Variants in THRA observed in about 807,000 individuals in gnomAD.
THRA encodes the protein EAR-7.
A neutral mutation model predicts 45.0 loss-of-function variants in THRA; 13 were observed. That is an observed-to-expected ratio of 0.29 (90% CI 0.19 to 0.46). The LOEUF (loss-of-function observed/expected upper bound fraction) is 0.46, where lower values mean the gene tolerates loss of function less well. Among genes scored for constraint, THRA ranks in the 20% least tolerant of loss-of-function variants. THRA has a pLI of 1.00. For synonymous variants in THRA, 195 were observed against 214.0 expected, an observed-to-expected ratio of 0.91 and a Z score of 0.78; for missense variants, 278 against 556.1, an observed-to-expected ratio of 0.50 and a Z score of 5.03.
chr17:40,076,977 A>T, intron 3 of THRA, 39 bp downstream of exon 3: 1 of 1,598,222 alleles, frequency 6.3e-7, no homozygotes, highest in South Asian at 1.1e-5. Context: ...CACGTCCCCA[A>T]CCCCACCAAA....
chr17:40,082,269 C>CA (rs1270327800), intron 4 of THRA, among the ~76,000 whole-genome samples: 1 of 139,088 alleles, frequency 7.2e-6, no homozygotes, highest in Non-Finnish European at 1.5e-5. Context: ...GACTAGAGTG[C>CA]AATGGCACAA....
In THRA at chr17:40,089,509, A is replaced by T. The variant is rs1987457537; in HGVS notation, c.*53A>T. 19 of 1,594,738 alleles carry T rather than the reference A, an allele frequency of 1.2e-5. No individual in the cohort carries two copies. The highest frequency in any genetic ancestry group is 1.5e-5 in the Non-Finnish European group (17 of 1,170,056). ...AGCTGGTGGGGAGGAGCCTGGAGAG[A>T]AGGGGCAGAGCTGGGGGCTGAGGGA... On this transcript the variant is annotated 3_prime_UTR_variant, in exon 9 of 9. Transcript: ENST00000450525. This position sits in a 1 kb window ranked among gnomAD's most constrained non-coding sequence, Gnocchi z 6.1.
Position 40,076,862 on chromosome 17 carries a change from T to A in THRA, c.54-9T>A. On this transcript the variant is annotated splice_polypyrimidine_tract_variant and intron_variant, in intron 2 of 8. Coordinates refer to ENST00000450525, the MANE Select transcript of THRA (RefSeq NM_199334.5). ...GCTCTGTGATTCTGCCCACTTTGCC[T>A]CCATCCAGTGCCAGGTCACCAGATG... The A allele has an allele frequency of 6.2e-7, 1 of 1,614,054 alleles. No homozygotes were observed. Among genetic ancestry groups the A allele is most frequent in the Non-Finnish European group, 8.5e-7 (1 of 1,179,956 alleles).
At chr17:40,075,090 A>G (rs1030830429) in intron 2 of THRA, among the ~76,000 whole-genome samples, 5 of 152,270 alleles carry the variant, frequency 3.3e-5, no homozygotes, top group African/African-American at 1.2e-4. Flanking sequence ...CCTCCCAGAA[A>G]GTGCACGCCA....
intron 1 of THRA, among the ~76,000 whole-genome samples, chr17:40,064,400 C>T (rs1025304070): frequency 8.5e-5 from 13 of 152,250 alleles, no homozygotes; most frequent in Admixed American, 3.3e-4. Context: ...CAGGCACACA[C>T]GTGCTCGCAT....
chr17:40,066,663 C>CAAAAAAAAAAAA (rs553082902), intron 1 of THRA, among the ~76,000 whole-genome samples: 6 of 49,496 alleles, frequency 1.2e-4, no homozygotes, highest in Admixed American at 2.3e-4. Context: ...GACTCCGTCT[C>CAAAAAAAAAAAA]AAAAAAAAAA....
intron 8 of THRA, among the ~76,000 whole-genome samples, chr17:40,088,854 C>A (rs137934618): frequency 6.6e-6 from 1 of 151,520 alleles, no homozygotes; most frequent in Non-Finnish European, 1.5e-5. Flanking sequence ...CATCTCTTAC[C>A]CCTCAGTCCC....
At chr17:40,071,999 G>C (rs912644698) in intron 1 of THRA, 2 of 152,248 alleles carry the variant, frequency 1.3e-5, no homozygotes, top group Non-Finnish European at 2.9e-5. Flanking sequence ...CCCAGCACCA[G>C]GGCACCATTC....
At chr17:40,066,776 A>G (rs1157711639) in intron 1 of THRA, among the ~76,000 whole-genome samples, 2 of 152,096 alleles carry the variant, frequency 1.3e-5, no homozygotes, top group African/African-American at 2.4e-5. Context: ...CATGACGGCC[A>G]TGATTGACCT....
At chr17:40,086,655 G>C in intron 6 of THRA, 52 bp from the exon 7 acceptor site, 1 of 1,590,478 alleles carries the variant, frequency 6.3e-7, no homozygotes, top group South Asian at 1.1e-5. Context: ...GAGCCTCAGT[G>C]AGAGGCTGAA....
chr17:40,076,741 G>A (rs1417580271), intron 2 of THRA, 130 bp from the exon 3 acceptor site: 6 of 895,040 alleles, frequency 6.7e-6, no homozygotes, highest in Non-Finnish European at 8.6e-6. Flanking sequence ...GCTGACCCTG[G>A]GGGGTGGGAG....
At chr17:40,067,129 C>A (rs754934552) in intron 1 of THRA, among the ~76,000 whole-genome samples, 1 of 152,152 alleles carries the variant, frequency 6.6e-6, no homozygotes, top group Non-Finnish European at 1.5e-5. Context: ...TCCTCCCAGA[C>A]AAATTTTTGC....
intron 1 of THRA, among the ~76,000 whole-genome samples, chr17:40,066,796 A>G (rs1986590966): frequency 6.6e-6 from 1 of 152,174 alleles, no homozygotes. Context: ...TGGACTGCCT[A>G]GGTCTGAATC....
At position 40,077,532 on chromosome 17, in the gene THRA, A is replaced by G; in HGVS notation, c.146A>G (p.Lys49Arg). 1.2e-6 allele frequency: 2 copies of G among 1,614,040 alleles called. No individual in the cohort carries two copies. The highest frequency in any genetic ancestry group is 1.7e-5 in the Admixed American group (1 of 60,004). ...MSGYIPSYLD[K>R]DEQCVVCGDK... Reference sequence around the variant, plus strand: ...GGGTATATCCCTAGTTACCTGGACAAAGACGAGCAGTGTGTCGTGTGTGGG... The same window carrying G: ...GGGTATATCCCTAGTTACCTGGACAGAGACGAGCAGTGTGTCGTGTGTGGG... Residue 49 changes from lysine to arginine, a missense_variant, in exon 4 of 9, where the codon AAA (lysine) becomes AGA (arginine). Lys to Arg is a conservative substitution (Grantham distance 26). Coordinates refer to ENST00000450525, the MANE Select transcript of THRA (RefSeq NM_199334.5).
At chr17:40,074,797 A>G (rs1031491773) in intron 2 of THRA, among the ~76,000 whole-genome samples, 1 of 152,172 alleles carries the variant, frequency 6.6e-6, no homozygotes, top group Non-Finnish European at 1.5e-5. Flanking sequence ...TTCCCTAGAC[A>G]TTGCTGGGCA....
At chr17:40,063,407 G>C (rs1337548802) in intron 1 of THRA, among the ~76,000 whole-genome samples, 4 of 152,226 alleles carry the variant, frequency 2.6e-5, no homozygotes, top group Non-Finnish European at 5.9e-5. Context: ...TTCCCGGGCC[G>C]GGCCCCGTTG....
At chr17:40,066,430 G>A (rs1425988850) in intron 1 of THRA, among the ~76,000 whole-genome samples, 7 of 152,074 alleles carry the variant, frequency 4.6e-5, no homozygotes, top group African/African-American at 1.4e-4. Context: ...CTGGGAGGCG[G>A]AGGCAGGCAG....
intron 1 of THRA, among the ~76,000 whole-genome samples, chr17:40,066,227 C>T (rs984149221): frequency 4.6e-5 from 7 of 152,246 alleles, no homozygotes; most frequent in South Asian, 2.1e-4. Flanking sequence ...ACATCGAGCC[C>T]GGGGGCACCA....
chr17:40,084,803 G>A lies in THRA; in HGVS notation c.564G>A (p.Arg188=). The change falls in exon 6 of 9, where the codon AGG becomes AGA. Residue 188 remains arginine, a synonymous_variant. Coordinates refer to ENST00000450525, the MANE Select transcript of THRA (RefSeq NM_199334.5). ...TNAQGSHWKQ[R]RKFLPDDIGQ... ...CCCAGGGCAGCCATTGGAAACAGAGGCGGAAATTCCTGGTAAGGAGAAAGG... is the reference window on the plus strand; with the variant it reads ...CCCAGGGCAGCCATTGGAAACAGAGACGGAAATTCCTGGTAAGGAGAAAGG... The A allele has an allele frequency of 6.2e-7, 1 of 1,613,548 alleles. No homozygotes were observed. Among genetic ancestry groups the A allele is most frequent in the Non-Finnish European group, 8.5e-7 (1 of 1,180,012 alleles).
Sources: allele counts gnomAD v4.1 joint callset (sites outside exome capture counted in the v4.1 genomes callset), GRCh38; gene constraint gnomAD v4.1.1; non-coding constraint Gnocchi (gnomAD v3.1); transcripts MANE v1.5; gene names NCBI Gene and HGNC (gene_info 2026-07-23, HGNC 2026-07-21).